NEUROD2: variants seen among roughly 807,000 people sequenced by gnomAD.
The protein encoded by NEUROD2 is neurogenic differentiation factor 2.
NEUROD2 carries 5 observed loss-of-function variants against 9.3 expected under a neutral mutation model. The ratio of observed to expected loss-of-function variants is 0.54; its 90% confidence interval spans 0.28 to 1.13. The LOEUF is 1.13. Ranked by LOEUF, NEUROD2 falls within the 50% of genes most tolerant of loss-of-function variation. The pLI is 0.10. For synonymous variants in NEUROD2, 277 were observed against 257.3 expected (o/e 1.08, Z -0.73); for missense variants, 376 against 549.2 (o/e 0.68, Z 3.15).
chr17:39,606,781 A>C lies in NEUROD2; in HGVS notation c.-5-177T>G. 1 of 611,256 alleles carries C rather than the reference A, an allele frequency of 1.6e-6. No individual in the cohort carries two copies. Among genetic ancestry groups the C allele is most frequent in the South Asian group, 2.5e-5 (1 of 40,014 alleles). The allele number at this position is 611,256 out of a possible 1,614,324, so 37.9% of individuals were successfully genotyped here. A position where few individuals can be genotyped will look rare whatever the true frequency, so the allele number is the denominator to read the frequency against. On this transcript the variant is annotated intron_variant, in intron 1 of 1. Coordinates refer to ENST00000302584, the MANE Select transcript of NEUROD2 (RefSeq NM_006160.4). The surrounding 1 kb of genome is among the most constrained non-coding windows in gnomAD (Gnocchi z 7.8). ...CCCCGCCCAGAGCCGGCCCAGCCCTACCCGGCTGCCGGCCTGGGATCTCGG... is the reference window on the plus strand; with the variant it reads ...CCCCGCCCAGAGCCGGCCCAGCCCTCCCCGGCTGCCGGCCTGGGATCTCGG...
Position 39,605,410 on chromosome 17 carries a change from G to C in NEUROD2, c.*41C>G. ...CTCTGGGGGCTGGGGACAGGGGGGC[G>C]GGCAAAGGCAAAAGAAAAAGAAGGG... On this transcript the variant is annotated 3_prime_UTR_variant, in exon 2 of 2. Coordinates refer to ENST00000302584, the MANE Select transcript of NEUROD2 (RefSeq NM_006160.4). This position sits in a 1 kb window ranked among gnomAD's most constrained non-coding sequence, Gnocchi z 6.8. 1 of 1,491,122 alleles carries C rather than the reference G, an allele frequency of 6.7e-7. No homozygotes were observed. Among genetic ancestry groups the C allele is most frequent in the Non-Finnish European group, 9.0e-7 (1 of 1,113,558 alleles). 92.4% of individuals were successfully genotyped at this position (1,491,122 alleles called of 1,614,324 possible). A position where few individuals can be genotyped will look rare whatever the true frequency, so the allele number is the denominator to read the frequency against.
chr17:39,605,962 C>A lies in NEUROD2; in HGVS notation c.638G>T (p.Arg213Leu), dbSNP rs373856556. 1 of 1,613,358 alleles carries A rather than the reference C, an allele frequency of 6.2e-7. No homozygotes were observed. The highest frequency in any genetic ancestry group is 8.5e-7 in the Non-Finnish European group (1 of 1,179,934). ...GGCGCCTTGCTCCGTGAGGAAGTTG[C>A]GAGAGTTGAGCTGCAGACAGCCGGC... ...LVAGCLQLNS[R>L]NFLTEQGADG... Residue 213 changes from arginine to leucine, a missense_variant, in exon 2 of 2, where the codon CGC (arginine) becomes CTC (leucine). By Grantham distance (102) the Arg-to-Leu change is moderately radical. This residue lies in a region of NEUROD2 where 193 missense variants were observed against 255.8 expected (regional missense o/e 0.75). Transcript: ENST00000302584. This position sits in a 1 kb window ranked among gnomAD's most constrained non-coding sequence, Gnocchi z 6.8.
intron 1 of NEUROD2, chr17:39,607,467 C>A: frequency 3.2e-6 from 1 of 314,144 alleles, no homozygotes; most frequent in Non-Finnish European, 4.6e-6. Context: ...GAGGGGTCCT[C>A]CGTCTCGGCC....
chr17:39,606,977 C>T lies in NEUROD2; in HGVS notation c.-5-373G>A, dbSNP rs2056771885. The T allele has an allele frequency of 5.2e-6, 1 of 191,110 alleles. No homozygotes were observed. The highest frequency in any genetic ancestry group is 1.5e-4 in the South Asian group (1 of 6,884). 11.8% of individuals were successfully genotyped at this position (191,110 alleles called of 1,614,324 possible). A position where few individuals can be genotyped will look rare whatever the true frequency, so the allele number is the denominator to read the frequency against. ...CGCTCGCCCTGAAAGCCCGTTCTCT[C>T]CTGGCGGTGGAGAGAGGCTGGTCGG... On this transcript the variant is annotated intron_variant, in intron 1 of 1. Transcript: ENST00000302584. This position sits in a 1 kb window ranked among gnomAD's most constrained non-coding sequence, Gnocchi z 7.8.
rs1255416305 is a variant in NEUROD2 at position 39,604,445 on chromosome 17, C to T, written c.*1006G>A. 1 of 152,104 alleles carries T rather than the reference C, an allele frequency of 6.6e-6. No homozygotes were observed. The highest frequency in any genetic ancestry group is 1.5e-5 in the Non-Finnish European group (1 of 67,918). 9.4% of individuals were successfully genotyped at this position (152,104 alleles called of 1,614,324 possible). A position where few individuals can be genotyped will look rare whatever the true frequency, so the allele number is the denominator to read the frequency against. On this transcript the variant is annotated 3_prime_UTR_variant, in exon 2 of 2. Transcript: ENST00000302584. ...CAGTGGCACTGGGGCCCCAAATCTC[C>T]GAGTCACTGATTGTAAGAACCTGGG...
Position 39,606,557 on chromosome 17 carries a change from C to T in NEUROD2, c.43G>A (p.Val15Met). The T allele has an allele frequency of 6.3e-7, 1 of 1,584,710 alleles. No homozygotes were observed. The highest frequency in any genetic ancestry group is 8.5e-7 in the Non-Finnish European group (1 of 1,175,160). Residue 15 changes from valine to methionine, a missense_variant, in exon 2 of 2, where the codon GTG (valine) becomes ATG (methionine). Around this residue, in one of 3 missense-constraint regions of NEUROD2, gnomAD observed 134 missense variants for 133.6 expected, o/e 1.00. Transcript: ENST00000302584. This position sits in a 1 kb window ranked among gnomAD's most constrained non-coding sequence, Gnocchi z 7.8. ...LFSEPGLLSD[V>M]PKFASWGDGE... Reference sequence around the variant, plus strand: ...TCGCCCCAGCTGGCGAACTTGGGCACGTCCGAGAGAAGGCCGGGCTCGCTG... The same window carrying T: ...TCGCCCCAGCTGGCGAACTTGGGCATGTCCGAGAGAAGGCCGGGCTCGCTG...
In NEUROD2 at chr17:39,604,663, T is replaced by G. The variant is rs1350272240; in HGVS notation, c.*788A>C. 1.3e-5 allele frequency: 2 copies of G among 152,032 alleles called. No individual in the cohort carries two copies. The highest frequency in any genetic ancestry group is 4.8e-5 in the African/African-American group (2 of 41,356). 9.4% of individuals were successfully genotyped at this position (152,032 alleles called of 1,614,324 possible). A position where few individuals can be genotyped will look rare whatever the true frequency, so the allele number is the denominator to read the frequency against. On this transcript the variant is annotated 3_prime_UTR_variant, in exon 2 of 2. Transcript: ENST00000302584. ...GTTTTTTTTTGTTTGTTTTTTTGTT[T>G]TTTGTTTTTTTTGCCTTTTATTGCT...
In NEUROD2 at chr17:39,604,890, C is replaced by G. The variant is rs957585754; in HGVS notation, c.*561G>C. 6.6e-6 allele frequency: 1 copy of G among 150,860 alleles called. No homozygotes were observed. The highest frequency in any genetic ancestry group is 2.1e-4 in the South Asian group (1 of 4,784). 9.3% of individuals were successfully genotyped at this position (150,860 alleles called of 1,614,324 possible). A position where few individuals can be genotyped will look rare whatever the true frequency, so the allele number is the denominator to read the frequency against. On this transcript the variant is annotated 3_prime_UTR_variant, in exon 2 of 2. Coordinates refer to ENST00000302584, the MANE Select transcript of NEUROD2 (RefSeq NM_006160.4). Reference sequence around the variant, plus strand: ...TCTTTCCTCTCAATCCACTTCCCCTCCCGCCAAAATTAAAATCGCAAAACG... The same window carrying G: ...TCTTTCCTCTCAATCCACTTCCCCTGCCGCCAAAATTAAAATCGCAAAACG...
rs1026026715 is a variant in NEUROD2, at chr17:39,607,827, C to T, written c.-105G>A. 7 of 162,772 alleles carry T rather than the reference C, an allele frequency of 4.3e-5. No individual in the cohort carries two copies. The highest frequency in any genetic ancestry group is 1.4e-4 in the African/African-American group (6 of 41,582). The allele number at this position is 162,772 out of a possible 1,614,324, so 10.1% of individuals were successfully genotyped here. On this transcript the variant is annotated 5_prime_UTR_variant, in exon 1 of 2. The change abolishes an upstream ATG in the 5' untranslated region. Coordinates refer to ENST00000302584, the MANE Select transcript of NEUROD2 (RefSeq NM_006160.4). The stretch of plus-strand genomic sequence containing the variant: ...CTTCTCGCTTATTTCATTGTTCCCC[C>T]ATCTTCAGGGAGCGGGGGCAGCGGC...
chr17:39,605,433 G>T lies in NEUROD2; in HGVS notation c.*18C>A. 1 of 1,541,350 alleles carries T rather than the reference G, an allele frequency of 6.5e-7. No individual in the cohort carries two copies. Among genetic ancestry groups the T allele is most frequent in the South Asian group, 1.2e-5 (1 of 82,592 alleles). ...GCGGGCAAAGGCAAAAGAAAAAGAAGGGAGCCGGCGCGAAGTCTCAGTTAT... is the reference window on the plus strand; with the variant it reads ...GCGGGCAAAGGCAAAAGAAAAAGAATGGAGCCGGCGCGAAGTCTCAGTTAT... On this transcript the variant is annotated 3_prime_UTR_variant, in exon 2 of 2. Transcript: ENST00000302584. This position sits in a 1 kb window ranked among gnomAD's most constrained non-coding sequence, Gnocchi z 6.8.
In NEUROD2 at chr17:39,605,353, C is replaced by T; in HGVS notation, c.*98G>A. ...GGACCGGTGGCCCGCTCCCCGCGCC[C>T]GGCGCCGGGGTAGGATGGGGGTGTC... On this transcript the variant is annotated 3_prime_UTR_variant, in exon 2 of 2. Transcript: ENST00000302584. The surrounding 1 kb of genome is among the most constrained non-coding windows in gnomAD (Gnocchi z 6.8). The T allele has an allele frequency of 1.4e-6, 2 of 1,420,948 alleles. No individual in the cohort carries two copies. The highest frequency in any genetic ancestry group is 1.9e-6 in the Non-Finnish European group (2 of 1,080,356). The allele number at this position is 1,420,948 out of a possible 1,614,324, so 88.0% of individuals were successfully genotyped here.
rs2056769893 is a variant in NEUROD2, at chr17:39,606,608, A to G, written c.-5-4T>C. The G allele has an allele frequency of 1.9e-6, 3 of 1,544,450 alleles. No homozygotes were observed. Among genetic ancestry groups the G allele is most frequent in the Non-Finnish European group, 2.6e-6 (3 of 1,158,342 alleles). ...AACAGGCGGGTCAGCATGGTGCCTG[A>G]GGGCGCCCCGCGGGCGGGAAGGGGA... On this transcript the variant is annotated splice_region_variant and splice_polypyrimidine_tract_variant and intron_variant, in intron 1 of 1. Transcript: ENST00000302584. This position sits in a 1 kb window ranked among gnomAD's most constrained non-coding sequence, Gnocchi z 7.8.
At position 39,605,804 on chromosome 17, in the gene NEUROD2, G is replaced by A; in HGVS notation, c.796C>T (p.Arg266Trp). 2 of 1,377,030 alleles carry A rather than the reference G, an allele frequency of 1.5e-6. No individual in the cohort carries two copies. Among genetic ancestry groups the A allele is most frequent in the South Asian group, 1.8e-5 (1 of 55,584 alleles). 85.3% of individuals were successfully genotyped at this position (1,377,030 alleles called of 1,614,324 possible). A position where few individuals can be genotyped will look rare whatever the true frequency, so the allele number is the denominator to read the frequency against. The change falls in exon 2 of 2, where the codon CGG becomes TGG. Residue 266 changes from arginine (R) to tryptophan (W), a missense_variant. Arg to Trp is a moderately radical substitution (Grantham distance 101). Transcript: ENST00000302584. The surrounding 1 kb of genome is among the most constrained non-coding windows in gnomAD (Gnocchi z 6.8). ...GLGGGAAHAL[R>W]THGYCAAYET... ...TAGGCGGCGCAGTAGCCGTGGGTCC[G>A]CAGGGCGTGCGCCGCGCCGCCGCCC...
Position 39,606,610 on chromosome 17 carries a change from G to C in NEUROD2, c.-5-6C>G. On this transcript the variant is annotated splice_region_variant and splice_polypyrimidine_tract_variant and intron_variant, in intron 1 of 1. Transcript: ENST00000302584. This position sits in a 1 kb window ranked among gnomAD's most constrained non-coding sequence, Gnocchi z 7.8. ...CAGGCGGGTCAGCATGGTGCCTGAG[G>C]GCGCCCCGCGGGCGGGAAGGGGAGA... is the stretch of plus-strand genomic sequence containing the variant. The C allele has an allele frequency of 6.5e-7, 1 of 1,541,100 alleles. No individual in the cohort carries two copies. Among genetic ancestry groups the C allele is most frequent in the Non-Finnish European group, 8.6e-7 (1 of 1,156,698 alleles).
chr17:39,606,438 C>A lies in NEUROD2; in HGVS notation c.162G>T (p.Ala54=), dbSNP rs1267173014. The change falls in exon 2 of 2, where the codon GCG becomes GCT. Residue 54 remains alanine (A), a synonymous_variant. Transcript: ENST00000302584. This position sits in a 1 kb window ranked among gnomAD's most constrained non-coding sequence, Gnocchi z 7.8. The part of the protein sequence containing the change: ...PGPGAPGPAR[A]AKPVPLRGEE... ...CTCCACGGAGAGGGACTGGCTTGGCCGCCCGGGCTGGCCCCGGAGCCCCTG... is the reference window on the plus strand; with the variant it reads ...CTCCACGGAGAGGGACTGGCTTGGCAGCCCGGGCTGGCCCCGGAGCCCCTG... 1 of 1,518,096 alleles carries A rather than the reference C, an allele frequency of 6.6e-7. No individual in the cohort carries two copies. The highest frequency in any genetic ancestry group is 2.5e-5 in the East Asian group (1 of 40,562). The allele number at this position is 1,518,096 out of a possible 1,614,324, so 94.0% of individuals were successfully genotyped here.
rs1216062660 is a variant in NEUROD2, at chr17:39,605,417, G to A, written c.*34C>T. Reference sequence around the variant, plus strand: ...GGCTGGGGACAGGGGGGCGGGCAAAGGCAAAAGAAAAAGAAGGGAGCCGGC... The same window carrying A: ...GGCTGGGGACAGGGGGGCGGGCAAAAGCAAAAGAAAAAGAAGGGAGCCGGC... On this transcript the variant is annotated 3_prime_UTR_variant, in exon 2 of 2. Transcript: ENST00000302584. The surrounding 1 kb of genome is among the most constrained non-coding windows in gnomAD (Gnocchi z 6.8). The A allele has an allele frequency of 6.6e-7, 1 of 1,508,814 alleles. No homozygotes were observed. The highest frequency in any genetic ancestry group is 2.4e-5 in the East Asian group (1 of 40,836). 93.5% of individuals were successfully genotyped at this position (1,508,814 alleles called of 1,614,324 possible). A position where few individuals can be genotyped will look rare whatever the true frequency, so the allele number is the denominator to read the frequency against.
At position 39,604,192 on chromosome 17, in the gene NEUROD2, G is replaced by C. The variant is rs1026169020; in HGVS notation, c.*1259C>G. 7.2e-5 allele frequency: 11 copies of C among 152,628 alleles called. No homozygotes were observed. Among genetic ancestry groups the C allele is most frequent in the African/African-American group, 2.7e-4 (11 of 41,416 alleles). 9.5% of individuals were successfully genotyped at this position (152,628 alleles called of 1,614,324 possible). A position where few individuals can be genotyped will look rare whatever the true frequency, so the allele number is the denominator to read the frequency against. The stretch of plus-strand genomic sequence containing the variant: ...GTCTCCATCCCCACCCCTCACCCCA[G>C]GAGGGGACAGAATGGCCGCGGGGAG... On this transcript the variant is annotated 3_prime_UTR_variant, in exon 2 of 2. Transcript: ENST00000302584.
chr17:39,604,334 C>T lies in NEUROD2; in HGVS notation c.*1117G>A, dbSNP rs1419052765. 3 of 152,740 alleles carry T rather than the reference C, an allele frequency of 2.0e-5. No homozygotes were observed. The highest frequency in any genetic ancestry group is 2.9e-5 in the Non-Finnish European group (2 of 68,032). The allele number at this position is 152,740 out of a possible 1,614,324, so 9.5% of individuals were successfully genotyped here. A position where few individuals can be genotyped will look rare whatever the true frequency, so the allele number is the denominator to read the frequency against. On this transcript the variant is annotated 3_prime_UTR_variant, in exon 2 of 2. Coordinates refer to ENST00000302584, the MANE Select transcript of NEUROD2 (RefSeq NM_006160.4). ...CAAACCCTCCCTCCCCAAACCGACCCCCCAACAGTTTGCCATTCCATACAA... is the reference window on the plus strand; with the variant it reads ...CAAACCCTCCCTCCCCAAACCGACCTCCCAACAGTTTGCCATTCCATACAA...
Position 39,606,436 on chromosome 17 carries a change from G to A in NEUROD2, c.164C>T (p.Ala55Val). ...TTCTCCACGGAGAGGGACTGGCTTG[G>A]CCGCCCGGGCTGGCCCCGGAGCCCC... ...GPGAPGPARA[A>V]KPVPLRGEEG... Residue 55 changes from alanine to valine, a missense_variant, in exon 2 of 2, where the codon GCC becomes GTC. Around this residue, in one of 3 missense-constraint regions of NEUROD2, gnomAD observed 134 missense variants for 133.6 expected, o/e 1.00. Coordinates refer to ENST00000302584, the MANE Select transcript of NEUROD2 (RefSeq NM_006160.4). This position sits in a 1 kb window ranked among gnomAD's most constrained non-coding sequence, Gnocchi z 7.8. The A allele has an allele frequency of 6.6e-7, 1 of 1,519,326 alleles. No individual in the cohort carries two copies. The highest frequency in any genetic ancestry group is 2.5e-5 in the East Asian group (1 of 40,578). 94.1% of individuals were successfully genotyped at this position (1,519,326 alleles called of 1,614,324 possible). A position where few individuals can be genotyped will look rare whatever the true frequency, so the allele number is the denominator to read the frequency against.
Sources: allele counts gnomAD v4.1 joint callset, GRCh38; gene constraint gnomAD v4.1.1; regional missense constraint gnomAD v4.1.1; non-coding constraint Gnocchi (gnomAD v3.1); transcripts MANE v1.5; gene names NCBI Gene and HGNC (gene_info 2026-07-23, HGNC 2026-07-21).